Variants in PWP1 observed in about 807,000 individuals in gnomAD.
PWP1 encodes periodic tryptophan protein 1 homolog.
PWP1 carries 47 observed loss-of-function variants against 69.9 expected under a neutral mutation model. The observed-to-expected ratio is 0.67, with a 90% CI of 0.53 to 0.86. The LOEUF (loss-of-function observed/expected upper bound fraction) is 0.86, where lower values mean the gene tolerates loss of function less well. Ranked by LOEUF, PWP1 falls within the 40% of genes least tolerant of loss-of-function variation. The probability of loss-of-function intolerance (pLI) is 0.00; values close to 1 mark genes in which losing one functional copy is unlikely to be tolerated. For missense variants in PWP1, 551 were observed against 608.8 expected, an observed-to-expected ratio of 0.91 and a Z score of 1.00; for synonymous variants, 222 against 208.2, an observed-to-expected ratio of 1.07 and a Z score of -0.57.
rs117515660 is a variant in PWP1 at position 107,700,606 on chromosome 12, G to A, written c.806+1172G>A. Among the ~76,000 whole-genome samples the A allele has an allele frequency of 5.5e-3, 838 of 152,194 alleles. 3 individuals carry two copies. Among genetic ancestry groups the A allele is most frequent in the Non-Finnish European group, 8.9e-3 (604 of 68,028 alleles). ...CCTGGATTGCTTCTTCTGCCTTTTG[G>A]ATACTGTGAATAATGCTGCTATGAA... On this transcript the variant is annotated intron_variant, in intron 8 of 14. Coordinates refer to ENST00000412830, the MANE Select transcript of PWP1 (RefSeq NM_007062.3).
intron 3 of PWP1, among the ~76,000 whole-genome samples, chr12:107,689,677 CG>C (rs1383649753): frequency 6.6e-6 from 1 of 152,054 alleles, no homozygotes; most frequent in Non-Finnish European, 1.5e-5. Context: ...ACCTGGGAGG[CG>C]GAGGTTGCAG....
chr12:107,694,905 A>G (rs11113445), intron 5 of PWP1, among the ~76,000 whole-genome samples: 44,183 of 151,980 alleles, frequency 0.29, 8,092 homozygotes, highest in Middle Eastern at 0.42. Flanking sequence ...CTTCAAATTT[A>G]TATTCTAAAA....
intron 8 of PWP1, 116 bp downstream of exon 8, chr12:107,699,550 T>C: frequency 1.2e-6 from 1 of 812,548 alleles, no homozygotes. Flanking sequence ...TCTTCCTTTC[T>C]TGTAGGATGC....
rs557002782 is a variant in PWP1 at position 107,712,882 on chromosome 12, C to T, written c.*662C>T. On this transcript the variant is annotated 3_prime_UTR_variant, in exon 15 of 15. Transcript: ENST00000412830. ...AGTGTGAATAAGTCTTTGCTCTCCA[C>T]CTAACAAGGGACAGTTTTAATTATA... The T allele has an allele frequency of 6.6e-6, 1 of 152,310 alleles. No homozygotes were observed. The highest frequency in any genetic ancestry group is 2.1e-4 in the South Asian group (1 of 4,830). The allele number at this position is 152,310 out of a possible 1,614,324, so 9.4% of individuals were successfully genotyped here. A position where few individuals can be genotyped will look rare whatever the true frequency, so the allele number is the denominator to read the frequency against.
At chr12:107,686,493 G>A (rs1435258894) in intron 1 of PWP1, among the ~76,000 whole-genome samples, 1 of 152,186 alleles carries the variant, frequency 6.6e-6, no homozygotes, top group Non-Finnish European at 1.5e-5. Context: ...TAATCCAAGT[G>A]AGATGTTGAT....
intron 5 of PWP1, among the ~76,000 whole-genome samples, chr12:107,694,324 G>A (rs1889541791): frequency 6.6e-6 from 1 of 152,172 alleles, no homozygotes; most frequent in Non-Finnish European, 1.5e-5. Context: ...GATTCGAAGA[G>A]ATTATTAGGC....
intron 11 of PWP1, among the ~76,000 whole-genome samples, chr12:107,707,881 C>T (rs1345519596): frequency 6.6e-6 from 1 of 151,956 alleles, no homozygotes; most frequent in Non-Finnish European, 1.5e-5. Flanking sequence ...TGTGTCTCTG[C>T]CGGGCTTTGG....
intron 1 of PWP1, among the ~76,000 whole-genome samples, chr12:107,688,103 A>G (rs111906188): frequency 0.011 from 1,598 of 147,388 alleles, 11 homozygotes; most frequent in Middle Eastern, 0.028. Context: ...AGGAATGCCC[A>G]CAGGGAAGAG....
At chr12:107,702,221 C>A (rs1889727775) in intron 8 of PWP1, among the ~76,000 whole-genome samples, 1 of 150,478 alleles carries the variant, frequency 6.6e-6, no homozygotes, top group African/African-American at 2.4e-5. Context: ...AGGTTCCTTG[C>A]ATTTTTAGAA....
Position 107,712,460 on chromosome 12 carries a change from A to T in PWP1, c.*240A>T, listed in dbSNP as rs1889975953. On this transcript the variant is annotated 3_prime_UTR_variant, in exon 15 of 15. Coordinates refer to ENST00000412830, the MANE Select transcript of PWP1 (RefSeq NM_007062.3). ...AAAAAGAGTAATAAAAAGGATTTTT[A>T]AAAAGTAATTCCTTAAACATACCAT... The T allele has an allele frequency of 2.8e-6, 1 of 353,212 alleles. No individual in the cohort carries two copies. Among genetic ancestry groups the T allele is most frequent in the Non-Finnish European group, 5.1e-6 (1 of 194,806 alleles). 21.9% of individuals were successfully genotyped at this position (353,212 alleles called of 1,614,324 possible). A position where few individuals can be genotyped will look rare whatever the true frequency, so the allele number is the denominator to read the frequency against.
intron 3 of PWP1, among the ~76,000 whole-genome samples, chr12:107,691,027 T>A (rs1889470631): frequency 6.6e-6 from 1 of 151,894 alleles, no homozygotes; most frequent in Admixed American, 6.6e-5. Context: ...AGGCTCTGGG[T>A]AGAGATGGGA....
rs181160293 is a variant in PWP1 at position 107,710,143 on chromosome 12, C to T, written c.1291-262C>T. Among the ~76,000 whole-genome samples the T allele has an allele frequency of 2.9e-3, 442 of 152,214 alleles. 4 individuals carry two copies. Among genetic ancestry groups the T allele is most frequent in the African/African-American group, 0.01 (419 of 41,514 alleles). ...AAATCCCTAAGAGACAGAGTGATAA[C>T]GAAGATGAGTGGCCTGAGTGGTCAG... On this transcript the variant is annotated intron_variant, in intron 13 of 14. Transcript: ENST00000412830.
chr12:107,700,024 A>G (rs1383270020), intron 8 of PWP1, among the ~76,000 whole-genome samples: 1 of 152,158 alleles, frequency 6.6e-6, no homozygotes, highest in Non-Finnish European at 1.5e-5. Context: ...GGGCATGTGC[A>G]GAGGAACTCT....
At chr12:107,688,030 C>CAAAAAAAAAAAAAAAAAAAAAA (rs56255249) in intron 1 of PWP1, among the ~76,000 whole-genome samples, 2 of 37,624 alleles carry the variant, frequency 5.3e-5, no homozygotes, top group Non-Finnish European at 8.8e-5. Context: ...GACTCCGTCT[C>CAAAAAAAAAAAAAAAAAAAAAA]AAAAAAAAAA....
Position 107,712,804 on chromosome 12 carries a change from C to G in PWP1, c.*584C>G. ...AAGAGGCAGACCATTCATTCATTCT[C>G]AAAACACTGAATGCCATTCTGTGCC... On this transcript the variant is annotated 3_prime_UTR_variant, in exon 15 of 15. Coordinates refer to ENST00000412830, the MANE Select transcript of PWP1 (RefSeq NM_007062.3). 1 of 152,506 alleles carries G rather than the reference C, an allele frequency of 6.6e-6. No individual in the cohort carries two copies. Among genetic ancestry groups the G allele is most frequent in the South Asian group, 2.1e-4 (1 of 4,830 alleles). 9.4% of individuals were successfully genotyped at this position (152,506 alleles called of 1,614,324 possible).
In PWP1 at chr12:107,710,430, G is replaced by A. The variant is rs1566083951; in HGVS notation, c.1316G>A (p.Cys439Tyr). The A allele has an allele frequency of 6.2e-7, 1 of 1,613,242 alleles. No individual in the cohort carries two copies. The highest frequency in any genetic ancestry group is 1.1e-5 in the South Asian group (1 of 91,048). ...KMGVLFCSSC[C>Y]PDLPFIYAFG... ...GGAGTTCTCTTCTGTTCTTCATGTTGCCCTGATTTGCCATTTATTTATGCC... is the reference window on the plus strand; with the variant it reads ...GGAGTTCTCTTCTGTTCTTCATGTTACCCTGATTTGCCATTTATTTATGCC... The change falls in exon 14 of 15, where the codon TGC (cysteine) becomes TAC (tyrosine). Residue 439 changes from cysteine (C) to tyrosine (Y), a missense_variant. Physicochemically the swap from Cys to Tyr is radical, Grantham distance 194. Coordinates refer to ENST00000412830, the MANE Select transcript of PWP1 (RefSeq NM_007062.3).
chr12:107,712,079 GTTA>G lies in PWP1; in HGVS notation c.1397-31_1397-29del, dbSNP rs758011074. ...ATATTCTGACTTAATTTCCTGATCT[GTTA>G]GTTTCTTACCTGTTTATTTGTATTT... On this transcript the variant is annotated intron_variant, in intron 14 of 14. Coordinates refer to ENST00000412830, the MANE Select transcript of PWP1 (RefSeq NM_007062.3). The G allele has an allele frequency of 5.3e-5, 82 of 1,543,562 alleles. No individual in the cohort carries two copies. The African/African-American group carries it at 9.0e-4, about 17-fold the overall frequency.
In PWP1 at chr12:107,704,656, G is replaced by A. The variant is rs760667588; in HGVS notation, c.986G>A (p.Cys329Tyr). ...SYDKSVALYD[C>Y]RSPDESHRMW... ...TCTAGGTCAGTGGCTTTGTATGACTGCCGAAGTCCAGATGAAAGCCATCGA... is the reference window on the plus strand; with the variant it reads ...TCTAGGTCAGTGGCTTTGTATGACTACCGAAGTCCAGATGAAAGCCATCGA... The change falls in exon 11 of 15, where the codon TGC (cysteine) becomes TAC (tyrosine). Residue 329 changes from cysteine to tyrosine, a missense_variant. Coordinates refer to ENST00000412830, the MANE Select transcript of PWP1 (RefSeq NM_007062.3). 2 of 1,613,942 alleles carry A rather than the reference G, an allele frequency of 1.2e-6. No individual in the cohort carries two copies. The highest frequency in any genetic ancestry group is 4.5e-5 in the East Asian group (2 of 44,876).
chr12:107,704,860 T>A lies in PWP1; in HGVS notation c.1077+113T>A, dbSNP rs537639075. The stretch of plus-strand genomic sequence containing the variant: ...TTTCTGTTTTAACAGTATGAAGTAT[T>A]TGGGTTTAGGGTTGAAAGCATAAGG... On this transcript the variant is annotated intron_variant, in intron 11 of 14. Transcript: ENST00000412830. The A allele has an allele frequency of 9.3e-6, 8 of 863,008 alleles. No homozygotes were observed. In the African/African-American group the frequency reaches 1.2e-4, roughly 13 times the overall value. The allele number at this position is 863,008 out of a possible 1,614,324, so 53.5% of individuals were successfully genotyped here. A position where few individuals can be genotyped will look rare whatever the true frequency, so the allele number is the denominator to read the frequency against.
Sources: allele counts gnomAD v4.1 joint callset (sites outside exome capture counted in the v4.1 genomes callset), GRCh38; gene constraint gnomAD v4.1.1; transcripts MANE v1.5; gene names NCBI Gene and HGNC (gene_info 2026-07-23, HGNC 2026-07-21).